Variants in VAMP7 observed in about 807,000 individuals in gnomAD.
The protein encoded by VAMP7 is vesicle-associated membrane protein 7.
Under a neutral mutation model 29.6 loss-of-function variants are expected in VAMP7, and 14 were observed. The ratio of observed to expected loss-of-function variants is 0.47; its 90% CI spans 0.31 to 0.74. The LOEUF is 0.74. Ranked by LOEUF, VAMP7 falls within the 30% of genes least tolerant of loss-of-function variation. The pLI, the probability that VAMP7 is intolerant of heterozygous loss-of-function variation, is 0.05. For synonymous variants in VAMP7, 95 were observed against 88.1 expected (o/e 1.08, Z -0.44); for missense variants, 223 against 262.4 (o/e 0.85, Z 1.04).
At chrX:155,916,257 A>G (rs1183738936) in intron 5 of VAMP7, among the ~76,000 whole-genome samples, 2 of 152,096 alleles carry the variant, frequency 1.3e-5, no homozygotes, top group Admixed American at 6.6e-5. Flanking sequence ...GTCTTTGCAC[A>G]TGAGATGGGT....
In VAMP7 at chrX:155,903,258, G is replaced by A. The variant is rs1448926795; in HGVS notation, c.433+2671G>A. On this transcript the variant is annotated intron_variant, in intron 5 of 7. Transcript: ENST00000286448. Reference sequence around the variant, plus strand: ...ACCTAAAACCATAAAAACCGTAGAAGAAAACCTAGGCATTACCATTCAGGA... The same window carrying A: ...ACCTAAAACCATAAAAACCGTAGAAAAAAACCTAGGCATTACCATTCAGGA... Among the ~76,000 whole-genome samples the A allele has an allele frequency of 2.6e-5, 4 of 152,208 alleles. No individual in the cohort carries two copies. In the South Asian group the frequency reaches 8.3e-4, roughly 32 times the overall value.
chrX:155,893,452 G>T (rs976249574), intron 2 of VAMP7, among the ~76,000 whole-genome samples: 3 of 152,200 alleles, frequency 2.0e-5, no homozygotes, highest in Admixed American at 6.5e-5. Flanking sequence ...AAACGTTAGT[G>T]TAGAGGGAAA....
intron 6 of VAMP7, among the ~76,000 whole-genome samples, chrX:155,933,983 G>A (rs1003935717): frequency 6.6e-6 from 1 of 152,150 alleles, no homozygotes; most frequent in Non-Finnish European, 1.5e-5. Flanking sequence ...GGAGCAGGTT[G>A]TTCAGTCTCC....
At chrX:155,890,739 G>T (rs2124237631) in intron 2 of VAMP7, among the ~76,000 whole-genome samples, 1 of 152,258 alleles carries the variant, frequency 6.6e-6, no homozygotes, top group South Asian at 2.1e-4. Flanking sequence ...TTAGTAATTA[G>T]TTTTAAAAAG....
intron 1 of VAMP7, among the ~76,000 whole-genome samples, chrX:155,882,528 A>G (rs1363861478): frequency 6.6e-6 from 1 of 152,160 alleles, no homozygotes; most frequent in African/African-American, 2.4e-5. Context: ...TCCCCTGTCT[A>G]AGCAGTGTTT....
At chrX:155,888,004 G>C (rs1334269800) in intron 1 of VAMP7, among the ~76,000 whole-genome samples, 1 of 151,720 alleles carries the variant, frequency 6.6e-6, no homozygotes, top group East Asian at 1.9e-4. Flanking sequence ...TTAGGATCAA[G>C]GGAGATAAAG....
intron 6 of VAMP7, among the ~76,000 whole-genome samples, chrX:155,926,722 A>G (rs1406360465): frequency 6.6e-6 from 1 of 152,236 alleles, no homozygotes; most frequent in African/African-American, 2.4e-5. Context: ...ACCTAGCTTT[A>G]GGCCCATCTC....
Position 155,942,319 on chromosome X carries a change from C to A in VAMP7, c.*368C>A. ...TATGGAGAAACTTTGTATGTGCACA[C>A]AAAAGTATTCAAGAGACAGTATTGC... On this transcript the variant is annotated 3_prime_UTR_variant, in exon 8 of 8. Coordinates refer to ENST00000286448, the MANE Select transcript of VAMP7 (RefSeq NM_005638.6). 1.4e-6 allele frequency: 1 copy of A among 714,656 alleles called. No individual in the cohort carries two copies. The highest frequency in any genetic ancestry group is 2.2e-6 in the Non-Finnish European group (1 of 444,744). 44.3% of individuals were successfully genotyped at this position (714,656 alleles called of 1,614,324 possible).
intron 2 of VAMP7, among the ~76,000 whole-genome samples, chrX:155,895,372 G>T (rs1267730216): frequency 1.3e-5 from 2 of 152,104 alleles, no homozygotes; most frequent in African/African-American, 4.8e-5. Context: ...TGCAGCTATC[G>T]TTCTAATGGG....
At chrX:155,919,781 C>T (rs758603805) in intron 5 of VAMP7, 32 bp from the exon 6 acceptor site, 2 of 1,577,296 alleles carry the variant, frequency 1.3e-6, no homozygotes, top group African/African-American at 1.4e-5. Flanking sequence ...CAATGGAAAA[C>T]TTGACCTTTT....
intron 1 of VAMP7, among the ~76,000 whole-genome samples, chrX:155,888,312 CTT>C (rs1294286623): frequency 6.6e-6 from 1 of 152,168 alleles, no homozygotes; most frequent in East Asian, 1.9e-4. Context: ...TCCAGACAGA[CTT>C]GTATTAAATA....
chrX:155,900,355 C>T, intron 4 of VAMP7, 142 bp from the exon 5 acceptor site: 2 of 620,202 alleles, frequency 3.2e-6, no homozygotes, highest in African/African-American at 1.8e-5. Flanking sequence ...AACATTTTTC[C>T]AGTGAAGTGA....
At chrX:155,894,301 G>GTTTTTTTTTTTTTTTTT (rs1195549080) in intron 2 of VAMP7, among the ~76,000 whole-genome samples, 2 of 64,908 alleles carry the variant, frequency 3.1e-5, no homozygotes, top group Non-Finnish European at 6.5e-5. Context: ...TGTGTCCTTT[G>GTTTTTTTTTTTTTTTTT]TTTTTTTTTT....
chrX:155,897,024 CATT>C (rs1333558304), intron 3 of VAMP7, among the ~76,000 whole-genome samples: 5 of 151,736 alleles, frequency 3.3e-5, no homozygotes, highest in Non-Finnish European at 7.4e-5. Flanking sequence ...TTTATGAACT[CATT>C]AACAAGATCT....
chrX:155,933,909 T>A (rs921398484), intron 6 of VAMP7, among the ~76,000 whole-genome samples: 2 of 152,208 alleles, frequency 1.3e-5, no homozygotes, highest in African/African-American at 4.8e-5. Flanking sequence ...GTCTTTGTTC[T>A]CATTGGTTTC....
intron 5 of VAMP7, among the ~76,000 whole-genome samples, chrX:155,904,748 C>T (rs1438584341): frequency 6.6e-6 from 1 of 151,964 alleles, no homozygotes; most frequent in African/African-American, 2.4e-5. Flanking sequence ...CATGTCGTAG[C>T]ATAAATCAAT....
chrX:155,889,694 A>G, intron 2 of VAMP7, 82 bp downstream of exon 2: 7 of 1,476,088 alleles, frequency 4.7e-6, no homozygotes, highest in Non-Finnish European at 6.4e-6. Flanking sequence ...AGTAGAAAAC[A>G]AGCTTCTAGG....
At chrX:155,883,874 C>G (rs1410456498) in intron 1 of VAMP7, among the ~76,000 whole-genome samples, 1 of 151,830 alleles carries the variant, frequency 6.6e-6, no homozygotes. Flanking sequence ...CCACGCCTGA[C>G]TAATTTTTTT....
intron 6 of VAMP7, among the ~76,000 whole-genome samples, chrX:155,922,012 A>G (rs1187881611): frequency 6.6e-6 from 1 of 152,014 alleles, no homozygotes; most frequent in East Asian, 1.9e-4. Flanking sequence ...TTTTTGGTGT[A>G]CAGGTCTTGC....
Sources: gnomAD v4.1 joint callset for allele counts (sites outside exome capture counted in the v4.1 genomes callset) on GRCh38, gnomAD v4.1.1 for gene constraint, MANE v1.5 for transcripts, NCBI Gene and HGNC (gene_info 2026-07-23, HGNC 2026-07-21) for gene names.